Variants in NAALAD2 observed in about 807,000 individuals in gnomAD.
The protein encoded by NAALAD2 is N-acetylated-alpha-linked acidic dipeptidase 2.
In NAALAD2, 89 loss-of-function variants were observed where a neutral mutation model predicts 95.6. The observed-to-expected ratio is 0.93, with a 90% confidence interval of 0.78 to 1.11. The LOEUF (loss-of-function observed/expected upper bound fraction) is 1.11. Ranked by LOEUF, NAALAD2 falls within the 50% of genes least tolerant of loss-of-function variation. The probability of loss-of-function intolerance (pLI) is 0.00; values close to 1 mark genes in which losing one functional copy is unlikely to be tolerated. For missense variants in NAALAD2, 894 were observed against 872.4 expected (o/e 1.02, Z -0.31); for synonymous variants, 264 against 294.4 (o/e 0.90, Z 1.06).
Position 90,163,533 on chromosome 11 carries a change from A to G in NAALAD2, c.1196-2A>G. On this transcript the variant is annotated splice_acceptor_variant, in intron 10 of 18. Transcript: ENST00000534061. LOFTEE classifies it high-confidence loss of function. ...AACCACGTGTGTTAACAATTCTTAC[A>G]GGCTGGAGACCTAGAAGAACTATCA... 6.2e-7 allele frequency: 1 copy of G among 1,613,724 alleles called. No homozygotes were observed. Among genetic ancestry groups the G allele is most frequent in the Non-Finnish European group, 8.5e-7 (1 of 1,179,854 alleles).
At chr11:90,172,741 G>A (rs1443817861) in intron 13 of NAALAD2, among the ~76,000 whole-genome samples, 1 of 152,018 alleles carries the variant, frequency 6.6e-6, no homozygotes, top group African/African-American at 2.4e-5. Context: ...CTCTGTTTCC[G>A]CATCTCTTTT....
intron 8 of NAALAD2, 121 bp from the exon 9 acceptor site, chr11:90,162,828 C>T (rs1030077206): frequency 9.0e-6 from 5 of 553,642 alleles, no homozygotes; most frequent in Non-Finnish European, 1.3e-5. Context: ...TATGAGAATC[C>T]ATTATGCTAT....
Position 90,191,804 on chromosome 11 carries a change from A to C in NAALAD2, c.*57A>C. 2 of 1,333,104 alleles carry C rather than the reference A, an allele frequency of 1.5e-6. No individual in the cohort carries two copies. Among genetic ancestry groups the C allele is most frequent in the Non-Finnish European group, 2.0e-6 (2 of 1,006,032 alleles). The allele number at this position is 1,333,104 out of a possible 1,614,324, so 82.6% of individuals were successfully genotyped here. A position where few individuals can be genotyped will look rare whatever the true frequency, so the allele number is the denominator to read the frequency against. ...TGCTAAAAGTCTGAGGATAAAATTCACCTTTCTGATAACTTATGAAGCCAG... is the reference window on the plus strand; with the variant it reads ...TGCTAAAAGTCTGAGGATAAAATTCCCCTTTCTGATAACTTATGAAGCCAG... On this transcript the variant is annotated 3_prime_UTR_variant, in exon 19 of 19. Transcript: ENST00000534061.
At chr11:90,172,985 G>A (rs977260849) in intron 13 of NAALAD2, among the ~76,000 whole-genome samples, 1 of 152,012 alleles carries the variant, frequency 6.6e-6, no homozygotes, top group Non-Finnish European at 1.5e-5. Context: ...GTCTATTTTT[G>A]AGCAAATCAG....
rs77046355 is a variant in NAALAD2, at chr11:90,151,308, C to T, written c.609+701C>T. Among the ~76,000 whole-genome samples, 495 of 152,240 alleles carry T rather than the reference C, an allele frequency of 3.3e-3. 4 individuals carry two copies. Among genetic ancestry groups the T allele is most frequent in the African/African-American group, 0.011 (448 of 41,546 alleles). On this transcript the variant is annotated intron_variant, in intron 5 of 18. Coordinates refer to ENST00000534061, the MANE Select transcript of NAALAD2 (RefSeq NM_005467.4). ...AAAGCACTTAGGAAAGTGGCTGGTA[C>T]TTAGTAATTTCTATATAACTGCTTA...
chr11:90,147,347 C>T lies in NAALAD2; in HGVS notation c.212C>T (p.Pro71Leu). Reference protein sequence around the residue: ...KSFLRSFTKLPHLAGTEQNFL... With the variant: ...KSFLRSFTKLLHLAGTEQNFL... ...CATTTTAGTTCTTTTACAAAGCTTCCTCATCTGGCAGGAACAGAACAAAAT... is the reference window on the plus strand; with the variant it reads ...CATTTTAGTTCTTTTACAAAGCTTCTTCATCTGGCAGGAACAGAACAAAAT... The change falls in exon 3 of 19, where the codon CCT becomes CTT. Residue 71 changes from proline (P) to leucine (L), a missense_variant. By Grantham distance (98) the Pro-to-Leu change is moderately conservative (BLOSUM62 -3). Transcript: ENST00000534061. The T allele has an allele frequency of 6.2e-7, 1 of 1,612,750 alleles. No individual in the cohort carries two copies. The highest frequency in any genetic ancestry group is 8.5e-7 in the Non-Finnish European group (1 of 1,179,630).
At chr11:90,156,465 T>G (rs1390460917) in intron 6 of NAALAD2, among the ~76,000 whole-genome samples, 2 of 152,210 alleles carry the variant, frequency 1.3e-5, no homozygotes, top group African/African-American at 4.8e-5. Flanking sequence ...AAGTGGAATC[T>G]GATGTCATTT....
At chr11:90,164,143 T>A (rs1410951070) in intron 11 of NAALAD2, 1 of 156,626 alleles carries the variant, frequency 6.4e-6, no homozygotes, top group Non-Finnish European at 1.4e-5. Context: ...TTGTTAAGTA[T>A]AAAGTGATAA....
At chr11:90,179,424 A>G (rs1042957328) in intron 16 of NAALAD2, among the ~76,000 whole-genome samples, 2 of 152,132 alleles carry the variant, frequency 1.3e-5, no homozygotes, top group Admixed American at 1.3e-4. Flanking sequence ...CTATAAAAAC[A>G]CAGAAAATGG....
intron 3 of NAALAD2, among the ~76,000 whole-genome samples, chr11:90,148,170 C>A (rs1421869662): frequency 6.6e-6 from 1 of 152,130 alleles, no homozygotes; most frequent in East Asian, 1.9e-4. Context: ...TTTAGATAGA[C>A]AACGTCCTCT....
intron 1 of NAALAD2, 125 bp downstream of exon 1, chr11:90,134,965 G>A (rs1332540704): frequency 1.0e-6 from 1 of 995,156 alleles, no homozygotes; most frequent in Admixed American, 2.0e-5. Flanking sequence ...GGCTAGATAT[G>A]ATAAACTCTG....
upstream of NAALAD2, chr11:90,134,533 G>T: frequency 1.9e-6 from 1 of 538,002 alleles, no homozygotes; most frequent in Non-Finnish European, 3.3e-6. Flanking sequence ...AATGGAAGTT[G>T]CCCGCCAACA....
At chr11:90,177,625 G>A (rs932649417) in intron 15 of NAALAD2, among the ~76,000 whole-genome samples, 1 of 38,554 alleles carries the variant, frequency 2.6e-5, no homozygotes, top group Non-Finnish European at 4.7e-5. Context: ...TTTTTTTTTT[G>A]TATTTTTAGT....
At chr11:90,150,688 T>C (rs1211182662) in intron 5 of NAALAD2, 81 bp downstream of exon 5, 7 of 1,260,612 alleles carry the variant, frequency 5.6e-6, no homozygotes, top group Non-Finnish European at 7.3e-6. Flanking sequence ...TGCTTCTCTG[T>C]TTCCAAATTG....
chr11:90,145,438 C>T (rs1320402137), intron 2 of NAALAD2, among the ~76,000 whole-genome samples: 3 of 152,150 alleles, frequency 2.0e-5, no homozygotes, highest in Non-Finnish European at 4.4e-5. Context: ...TTGCAAGAAT[C>T]ATATCTGCTC....
intron 14 of NAALAD2, 46 bp from the exon 15 acceptor site, chr11:90,175,926 T>TTGTGTGTGTGTG: frequency 1.6e-6 from 1 of 621,426 alleles, no homozygotes; most frequent in Non-Finnish European, 2.3e-6. Context: ...ATTTACTTGT[T>TTGTGTGTGTGTG]TATGTGTGTG....
At chr11:90,184,203 T>G (rs1233590076) in intron 18 of NAALAD2, among the ~76,000 whole-genome samples, 1 of 152,164 alleles carries the variant, frequency 6.6e-6, no homozygotes, top group Non-Finnish European at 1.5e-5. Flanking sequence ...ATGTTACCTT[T>G]CTTATAAATG....
chr11:90,172,450 C>T (rs1252624624), intron 13 of NAALAD2, among the ~76,000 whole-genome samples: 1 of 152,132 alleles, frequency 6.6e-6, no homozygotes, highest in Non-Finnish European at 1.5e-5. Flanking sequence ...AGACACAACA[C>T]ATTTGTGCCT....
intron 13 of NAALAD2, among the ~76,000 whole-genome samples, chr11:90,170,708 G>A (rs1286569022): frequency 6.6e-6 from 1 of 152,152 alleles, no homozygotes; most frequent in Non-Finnish European, 1.5e-5. Flanking sequence ...GGGAAGTTGA[G>A]GAGCATAAGA....
Sources: gnomAD v4.1 joint callset for allele counts (sites outside exome capture counted in the v4.1 genomes callset) on GRCh38, gnomAD v4.1.1 for gene constraint, MANE v1.5 for transcripts, NCBI Gene and HGNC (gene_info 2026-07-23, HGNC 2026-07-21) for gene names.